The following LIMK2 variants were observed in gnomAD, a reference collection of about 807,000 sequenced individuals.
The protein encoded by LIMK2 is LIM domain kinase 2.
Under a neutral mutation model 75.7 loss-of-function variants are expected in LIMK2, and 35 were observed. That is an observed-to-expected ratio of 0.46 (90% CI 0.35 to 0.61). The LOEUF (loss-of-function observed/expected upper bound fraction) is 0.61, where lower values mean the gene tolerates loss of function less well. LIMK2 is among the 20% of genes least tolerant of loss of function. The pLI, the probability that LIMK2 is intolerant of heterozygous loss-of-function variation, is 0.00. For synonymous variants in LIMK2, 301 were observed against 319.2 expected (o/e 0.94, Z 0.61); for missense variants, 623 against 831.0 (o/e 0.75, Z 3.08).
At chr22:31,246,368 G>GAA (rs796156338) in intron 2 of LIMK2, among the ~76,000 whole-genome samples, 1 of 98,926 alleles carries the variant, frequency 1.0e-5, no homozygotes, top group Admixed American at 1.1e-4. Context: ...AATCTCAAAA[G>GAA]AAAAAAAAAA....
At chr22:31,226,652 C>T (rs1384327855) in intron 2 of LIMK2, among the ~76,000 whole-genome samples, 1 of 149,962 alleles carries the variant, frequency 6.7e-6, no homozygotes, top group Non-Finnish European at 1.5e-5. Flanking sequence ...CTCTGTCGCC[C>T]AGGCTGGTGT....
At chr22:31,273,415 T>C (rs2048978901) in intron 13 of LIMK2, 37 bp from the exon 14 acceptor site, 1 of 1,584,472 alleles carries the variant, frequency 6.3e-7, no homozygotes, top group African/African-American at 1.3e-5. Context: ...AGGTAAGGGA[T>C]GTAAACTTAA....
intron 2 of LIMK2, chr22:31,248,371 C>T (rs538332789): frequency 2.2e-5 from 28 of 1,293,904 alleles, no homozygotes; most frequent in African/African-American, 3.0e-5. Flanking sequence ...TTGACAGCAG[C>T]GCTTCTTTCT....
intron 14 of LIMK2, among the ~76,000 whole-genome samples, 192 bp from the exon 15 acceptor site, chr22:31,274,959 C>T (rs761988658): frequency 1.3e-5 from 2 of 152,122 alleles, no homozygotes; most frequent in Non-Finnish European, 2.9e-5. Flanking sequence ...TTCAGTAACC[C>T]AGCTCTCAGT....
rs1394235058 is a variant in LIMK2 at position 31,266,152 on chromosome 22, G to C, written c.1041+20G>C. ...ATCAAGGTGAGCGCAGGCAACAATTGCTTTGCTCTTCTGCCCCCAGTCCCT... is the reference window on the plus strand; with the variant it reads ...ATCAAGGTGAGCGCAGGCAACAATTCCTTTGCTCTTCTGCCCCCAGTCCCT... On this transcript the variant is annotated intron_variant, in intron 8 of 15. Transcript: ENST00000331728. 7 of 1,612,400 alleles carry C rather than the reference G, an allele frequency of 4.3e-6. No homozygotes were observed. The highest frequency in any genetic ancestry group is 5.9e-6 in the Non-Finnish European group (7 of 1,178,668).
chr22:31,226,871 A>C (rs1280756008), intron 2 of LIMK2, among the ~76,000 whole-genome samples: 1 of 152,150 alleles, frequency 6.6e-6, no homozygotes, highest in African/African-American at 2.4e-5. Flanking sequence ...CGGCCTCCCA[A>C]AATGTTGGGA....
chr22:31,212,900 A>G (rs1178774952), intron 1 of LIMK2, among the ~76,000 whole-genome samples: 1 of 151,972 alleles, frequency 6.6e-6, no homozygotes, highest in Admixed American at 6.6e-5. Flanking sequence ...TTTCTGAGGG[A>G]AATGGAGGAT....
intron 7 of LIMK2, among the ~76,000 whole-genome samples, chr22:31,263,004 G>C (rs2048856528): frequency 6.6e-6 from 1 of 152,186 alleles, no homozygotes; most frequent in Admixed American, 6.5e-5. Flanking sequence ...TTAGAAACCT[G>C]AGAGTCAGTC....
At position 31,213,631 on chromosome 22, in the gene LIMK2, G is replaced by A. The variant is rs573887332; in HGVS notation, c.16+1207G>A. Among the ~76,000 whole-genome samples, 9 of 152,234 alleles carry A rather than the reference G, an allele frequency of 5.9e-5. No individual in the cohort carries two copies. In the East Asian group the frequency reaches 1.4e-3, roughly 23 times the overall value. On this transcript the variant is annotated intron_variant, in intron 1 of 15. Transcript: ENST00000331728. ...TAAAACAAATTTTTTTAGGCTGGGC[G>A]TGGTGGCTCATGCCTGTAATCCCAG...
At chr22:31,272,890 G>C in intron 13 of LIMK2, 186 bp downstream of exon 13, 2 of 1,379,880 alleles carry the variant, frequency 1.4e-6, no homozygotes, top group Non-Finnish European at 1.9e-6. Context: ...GCTGGGAACT[G>C]ATCAGTGTCC....
intron 2 of LIMK2, among the ~76,000 whole-genome samples, chr22:31,234,057 G>T (rs2048550511): frequency 2.0e-5 from 3 of 152,004 alleles, no homozygotes; most frequent in Non-Finnish European, 2.9e-5. Flanking sequence ...CTGTTCCCCA[G>T]GCTGGAGTGC....
At chr22:31,253,192 A>C (rs1189588089) in intron 2 of LIMK2, among the ~76,000 whole-genome samples, 1 of 152,202 alleles carries the variant, frequency 6.6e-6, no homozygotes. Flanking sequence ...CTGGCTCCTC[A>C]GGACAGTGGG....
chr22:31,267,940 T>G, intron 10 of LIMK2, 33 bp downstream of exon 10: 1 of 1,573,704 alleles, frequency 6.4e-7, no homozygotes, highest in Non-Finnish European at 8.6e-7. Context: ...TCCAGGAGCC[T>G]TGGTGGGTTG....
intron 15 of LIMK2, chr22:31,277,401 G>C (rs1213689966): frequency 8.3e-7 from 1 of 1,212,062 alleles, no homozygotes; most frequent in Non-Finnish European, 1.0e-6. Flanking sequence ...GGTAGGGTAC[G>C]CCTTTGGTGC....
intron 2 of LIMK2, among the ~76,000 whole-genome samples, chr22:31,233,861 G>T (rs1490910703): frequency 6.6e-6 from 1 of 152,000 alleles, no homozygotes; most frequent in African/African-American, 2.4e-5. Context: ...ATTATATTTT[G>T]GTAGGTTTAC....
rs370089296 is a variant in LIMK2 at position 31,262,655 on chromosome 22, G to A, written c.718G>A (p.Val240Ile). 3.3e-5 allele frequency: 54 copies of A among 1,614,008 alleles called. No individual in the cohort carries two copies. Among genetic ancestry groups the A allele is most frequent in the Middle Eastern group, 3.3e-4 (2 of 6,084 alleles). ...TLQLLIEHDP[V>I]SQRLDQLRLE... ...TCAGCTGTTGATTGAACATGACCCC[G>A]TCTCCCAACGCCTGGACCAGCTGCG... Residue 240 changes from valine to isoleucine, a missense_variant, in exon 7 of 16, where the codon GTC (valine) becomes ATC (isoleucine). By Grantham distance (29) the Val-to-Ile change is conservative. Around this residue, in one of 3 missense-constraint regions of LIMK2, gnomAD observed 514 missense variants for 661.3 expected, o/e 0.78. Coordinates refer to ENST00000331728, the MANE Select transcript of LIMK2 (RefSeq NM_005569.4). The surrounding 1 kb of genome is among the most constrained non-coding windows in gnomAD (Gnocchi z 5.0).
At chr22:31,227,618 G>C (rs2123778701) in intron 2 of LIMK2, among the ~76,000 whole-genome samples, 1 of 152,310 alleles carries the variant, frequency 6.6e-6, no homozygotes, top group South Asian at 2.1e-4. Context: ...AGAGCTGTAA[G>C]GGACCTTATA....
chr22:31,239,987 T>G (rs192238831), intron 2 of LIMK2, among the ~76,000 whole-genome samples: 2 of 152,188 alleles, frequency 1.3e-5, no homozygotes, highest in Non-Finnish European at 2.9e-5. Flanking sequence ...CCCTAAGTCT[T>G]AAACCATCAA....
At chr22:31,246,748 G>T (rs1187605009) in intron 2 of LIMK2, among the ~76,000 whole-genome samples, 1 of 115,880 alleles carries the variant, frequency 8.6e-6, no homozygotes, top group Non-Finnish European at 1.7e-5. Flanking sequence ...GACAGAGAGA[G>T]ACCCTGACTC....
Sources: gnomAD v4.1 joint callset for allele counts (sites outside exome capture counted in the v4.1 genomes callset) on GRCh38, gnomAD v4.1.1 for gene constraint, gnomAD v4.1.1 regional missense constraint, Gnocchi (gnomAD v3.1) non-coding constraint, MANE v1.5 for transcripts, NCBI Gene and HGNC (gene_info 2026-07-23, HGNC 2026-07-21) for gene names.